Variants in ZFP1 observed in about 807,000 individuals in gnomAD.
ZFP1 encodes the protein zinc finger protein 1 homolog.
Under a neutral mutation model 38.5 loss-of-function variants are expected in ZFP1, and 32 were observed. The observed-to-expected ratio is 0.83, with a 90% CI of 0.63 to 1.12. The LOEUF is 1.12. ZFP1 is among the 50% of genes most tolerant of loss of function. The pLI, the probability that ZFP1 is intolerant of heterozygous loss-of-function variation, is 0.00. For synonymous variants in ZFP1, 245 were observed against 168.8 expected (o/e 1.45, Z -3.50); for missense variants, 616 against 480.8 (o/e 1.28, Z -2.63).
In ZFP1 at chr16:75,171,335, T is replaced by C; in HGVS notation, c.*1001T>C. ...ACTTTAGAGGAAAAATTATTTTAAATAACTGTCAACTGTTTCATTGCTTTT... is the reference window on the plus strand; with the variant it reads ...ACTTTAGAGGAAAAATTATTTTAAACAACTGTCAACTGTTTCATTGCTTTT... On this transcript the variant is annotated 3_prime_UTR_variant, in exon 4 of 4. Coordinates refer to ENST00000570010, the MANE Select transcript of ZFP1 (RefSeq NM_153688.4). The C allele has an allele frequency of 6.6e-6, 1 of 152,216 alleles. No homozygotes were observed. The highest frequency in any genetic ancestry group is 1.5e-5 in the Non-Finnish European group (1 of 68,026). The allele number at this position is 152,216 out of a possible 1,614,324, so 9.4% of individuals were successfully genotyped here.
Position 75,152,986 on chromosome 16 carries a change from C to G in ZFP1, c.15+20C>G. 1 of 1,612,434 alleles carries G rather than the reference C, an allele frequency of 6.2e-7. No homozygotes were observed. Among genetic ancestry groups the G allele is most frequent in the Non-Finnish European group, 8.5e-7 (1 of 1,179,208 alleles). ...TCCCAGGTGAGTTGTTTGTTTATTC[C>G]CCATTTTGCTTTTCAGTGCATTTAA... On this transcript the variant is annotated intron_variant, in intron 2 of 3. Transcript: ENST00000570010.
chr16:75,132,229 G>A, the ZFP1 span, among the ~76,000 whole-genome samples: 1 of 151,674 alleles, frequency 6.6e-6, no homozygotes, highest in African/African-American at 2.4e-5. Context: ...CTCTACCAAA[G>A]ATATAAAAAA....
At chr16:75,153,631 AC>A (rs1466659022) in intron 2 of ZFP1, among the ~76,000 whole-genome samples, 3 of 151,642 alleles carry the variant, frequency 2.0e-5, no homozygotes, top group Non-Finnish European at 4.4e-5. Context: ...CCCAACCCCT[AC>A]CCCCAGTTTC....
intron 2 of ZFP1, among the ~76,000 whole-genome samples, chr16:75,159,409 AT>A (rs59866485): frequency 0.77 from 45,471 of 59,174 alleles, 17,225 homozygotes; most frequent in Non-Finnish European, 0.81. Context: ...CTCACTTTTC[AT>A]TTTTTTTTTT....
At position 75,166,787 on chromosome 16, in the gene ZFP1, G is replaced by T. The variant is rs564033936; in HGVS notation, c.33G>T (p.Thr11=). MNKSQGSVSF[T]DVTVDFTQEE... ...CATTTCAGGGATCAGTTTCATTCAC[G>T]GATGTGACTGTGGACTTTACCCAGG... is the stretch of plus-strand genomic sequence containing the variant. The change falls in exon 3 of 4, where the codon ACG becomes ACT. Residue 11 remains threonine, a synonymous_variant. Transcript: ENST00000570010. 8.1e-6 allele frequency: 13 copies of T among 1,614,098 alleles called. No individual in the cohort carries two copies. The highest frequency in any genetic ancestry group is 1.1e-5 in the Non-Finnish European group (13 of 1,180,008).
chr16:75,138,472 C>T, the ZFP1 span, among the ~76,000 whole-genome samples: 1 of 152,214 alleles, frequency 6.6e-6, no homozygotes, highest in Non-Finnish European at 1.5e-5. Context: ...TATTAACACT[C>T]ATAAGCCATG....
At chr16:75,134,832 C>T in the ZFP1 span, among the ~76,000 whole-genome samples, 3 of 151,190 alleles carry the variant, frequency 2.0e-5, no homozygotes, top group Non-Finnish European at 2.9e-5. Flanking sequence ...CCGAGGCGGG[C>T]GGATCACCTG....
intron 2 of ZFP1, among the ~76,000 whole-genome samples, chr16:75,154,364 G>T (rs1257484034): frequency 6.6e-6 from 1 of 152,162 alleles, no homozygotes; most frequent in Non-Finnish European, 1.5e-5. Context: ...AAACTTAGTG[G>T]CTTCTAAGTT....
In ZFP1 at chr16:75,169,365, C is replaced by A. The variant is rs150268854; in HGVS notation, c.255C>A (p.Leu85=). The A allele has an allele frequency of 1.9e-6, 3 of 1,614,052 alleles. No homozygotes were observed. Among genetic ancestry groups the A allele is most frequent in the African/African-American group, 2.7e-5 (2 of 74,930 alleles). The change falls in exon 4 of 4, where the codon CTC becomes CTA. Residue 85 remains leucine, a synonymous_variant. Coordinates refer to ENST00000570010, the MANE Select transcript of ZFP1 (RefSeq NM_153688.4). Reference sequence around the variant, plus strand: ...CCCCAATTGAGGAAAGAGGCGATCTCTTTGGAAAAGCACTTAATCTGAACA... The same window carrying A: ...CCCCAATTGAGGAAAGAGGCGATCTATTTGGAAAAGCACTTAATCTGAACA... The part of the protein sequence containing the change: ...NQTPIEERGD[L]FGKALNLNTD...
the ZFP1 span, among the ~76,000 whole-genome samples, chr16:75,123,451 A>ATATGTATG: frequency 1.3e-3 from 132 of 105,150 alleles, 2 homozygotes; most frequent in Non-Finnish European, 2.0e-3. Context: ...GTGTGTGTGT[A>ATATGTATG]TATGTATATA....
chr16:75,146,591 G>C (rs1388561044), upstream of ZFP1, among the ~76,000 whole-genome samples: 1 of 152,126 alleles, frequency 6.6e-6, no homozygotes, highest in Non-Finnish European at 1.5e-5. Flanking sequence ...TCTTCAGTAG[G>C]TGAATGGATT....
the ZFP1 span, among the ~76,000 whole-genome samples, chr16:75,125,568 C>A: frequency 3.9e-5 from 6 of 152,130 alleles, no homozygotes; most frequent in African/African-American, 1.4e-4. Context: ...AAGTGATCAC[C>A]CACCTGGGCC....
At chr16:75,167,336 A>C (rs2038147015) in intron 3 of ZFP1, among the ~76,000 whole-genome samples, 1 of 152,152 alleles carries the variant, frequency 6.6e-6, no homozygotes, top group Non-Finnish European at 1.5e-5. Context: ...AGCTGAGGAC[A>C]GATGACCTGT....
At position 75,170,666 on chromosome 16, in the gene ZFP1, G is replaced by A. The variant is rs2038376544; in HGVS notation, c.*332G>A. ...TATCCTATGAATTTAGTGGTTTTATGTGGATATGCCACAAAACACAAGTGG... is the reference window on the plus strand; with the variant it reads ...TATCCTATGAATTTAGTGGTTTTATATGGATATGCCACAAAACACAAGTGG... On this transcript the variant is annotated 3_prime_UTR_variant, in exon 4 of 4. Transcript: ENST00000570010. 4.9e-6 allele frequency: 1 copy of A among 203,916 alleles called. No individual in the cohort carries two copies. The highest frequency in any genetic ancestry group is 2.3e-5 in the African/African-American group (1 of 43,362). 12.6% of individuals were successfully genotyped at this position (203,916 alleles called of 1,614,324 possible).
intron 1 of ZFP1, among the ~76,000 whole-genome samples, chr16:75,150,060 C>T (rs893827194): frequency 6.6e-5 from 10 of 152,200 alleles, no homozygotes; most frequent in African/African-American, 2.4e-4. Flanking sequence ...GCTGGGATTA[C>T]AGGCATGAAC....
chr16:75,158,701 T>TG lies in ZFP1; in HGVS notation c.15+5736dup, dbSNP rs2037593544. Among the ~76,000 whole-genome samples the TG allele has an allele frequency of 2.6e-5, 4 of 151,760 alleles. No homozygotes were observed. In the South Asian group the frequency reaches 8.3e-4, roughly 32 times the overall value. On this transcript the variant is annotated intron_variant, in intron 2 of 3. Coordinates refer to ENST00000570010, the MANE Select transcript of ZFP1 (RefSeq NM_153688.4). ...TTTTGCTATTTATTTTTAGTTGTCC[T>TG]GTGTGTTCCTATTTTCCCTTTTATC...
the ZFP1 span, among the ~76,000 whole-genome samples, chr16:75,130,500 A>G: frequency 6.6e-6 from 1 of 152,160 alleles, no homozygotes; most frequent in African/African-American, 2.4e-5. Context: ...CTAGAAGGTC[A>G]TATATCTCTT....
intron 2 of ZFP1, among the ~76,000 whole-genome samples, chr16:75,153,313 G>GT (rs1736678308): frequency 6.6e-6 from 1 of 152,152 alleles, no homozygotes; most frequent in South Asian, 2.1e-4. Context: ...GAAGATTATT[G>GT]TATGTATTTG....
chr16:75,165,875 T>C (rs1194670880), intron 2 of ZFP1, among the ~76,000 whole-genome samples: 1 of 152,210 alleles, frequency 6.6e-6, no homozygotes, highest in Non-Finnish European at 1.5e-5. Flanking sequence ...TAGACCTTTT[T>C]AGCTTGTCCC....
Sources: allele counts gnomAD v4.1 joint callset (sites outside exome capture counted in the v4.1 genomes callset), GRCh38; gene constraint gnomAD v4.1.1; transcripts MANE v1.5; gene names NCBI Gene and HGNC (gene_info 2026-07-23, HGNC 2026-07-21).